CFAP299: variants seen among roughly 807,000 people sequenced by gnomAD.
CFAP299 encodes cilia- and flagella-associated protein 299.
A neutral mutation model predicts 27.0 loss-of-function variants in CFAP299; 21 were observed. The observed-to-expected ratio is 0.78, with a 90% confidence interval of 0.55 to 1.12. The LOEUF (loss-of-function observed/expected upper bound fraction) is 1.12. CFAP299 is among the 50% of genes most tolerant of loss of function. The pLI, the probability that CFAP299 is intolerant of heterozygous loss-of-function variation, is 0.00. For missense variants in CFAP299, 310 were observed against 276.6 expected (o/e 1.12, Z -0.86); for synonymous variants, 104 against 98.1 (o/e 1.06, Z -0.36).
At chr4:80,644,809 A>T (rs1739907227) in intron 3 of CFAP299, among the ~76,000 whole-genome samples, 1 of 152,186 alleles carries the variant, frequency 6.6e-6, no homozygotes, top group African/African-American at 2.4e-5. Context: ...TTACAAGGCA[A>T]TATTCCTTAG....
At chr4:80,477,775 T>A (rs1253255704) in intron 2 of CFAP299, among the ~76,000 whole-genome samples, 1 of 152,216 alleles carries the variant, frequency 6.6e-6, no homozygotes, top group African/African-American at 2.4e-5. Flanking sequence ...TTAGTTTAGA[T>A]TCTATGGTCC....
chr4:80,341,924 G>A (rs538583255), intron 1 of CFAP299, among the ~76,000 whole-genome samples: 10 of 152,318 alleles, frequency 6.6e-5, no homozygotes, highest in Middle Eastern at 3.4e-3. Flanking sequence ...CTAGAATCAT[G>A]ATAAAACAGT....
intron 5 of CFAP299, among the ~76,000 whole-genome samples, chr4:80,948,635 T>C (rs1028252920): frequency 6.6e-6 from 1 of 151,916 alleles, no homozygotes; most frequent in African/African-American, 2.4e-5. Context: ...GAACCACTAA[T>C]AAGGCAAGAA....
At chr4:80,724,823 CTT>C (rs1723052599) in intron 3 of CFAP299, among the ~76,000 whole-genome samples, 1 of 149,532 alleles carries the variant, frequency 6.7e-6, no homozygotes, top group Non-Finnish European at 1.5e-5. Flanking sequence ...CCTTTTTTTT[CTT>C]TCTTTTTCTT....
chr4:80,744,644 G>A (rs778689345), intron 3 of CFAP299, among the ~76,000 whole-genome samples: 18 of 151,502 alleles, frequency 1.2e-4, no homozygotes, highest in African/African-American at 3.4e-4. Flanking sequence ...TCTACCCAGC[G>A]TACAAATTAT....
At chr4:80,660,456 T>C (rs1740786385) in intron 3 of CFAP299, among the ~76,000 whole-genome samples, 1 of 152,226 alleles carries the variant, frequency 6.6e-6, no homozygotes, top group Admixed American at 6.5e-5. Context: ...GAAAGTATTT[T>C]GTTAGGCATA....
intron 3 of CFAP299, among the ~76,000 whole-genome samples, chr4:80,815,970 A>G (rs1237192768): frequency 6.6e-6 from 1 of 152,002 alleles, no homozygotes; most frequent in Non-Finnish European, 1.5e-5. Flanking sequence ...AAAACAAGAC[A>G]GGCTTTGCTA....
At chr4:80,931,720 G>GCA (rs148245575) in intron 4 of CFAP299, among the ~76,000 whole-genome samples, 1,505 of 147,918 alleles carry the variant, frequency 0.01, 11 homozygotes, top group African/African-American at 0.016. Flanking sequence ...TAACATGCAC[G>GCA]CACACACACA....
chr4:80,769,334 G>C (rs995358852), intron 3 of CFAP299, among the ~76,000 whole-genome samples: 9 of 151,756 alleles, frequency 5.9e-5, no homozygotes, highest in Non-Finnish European at 1.3e-4. Context: ...TGGCTCGTTG[G>C]GTATATTCAT....
chr4:80,508,019 T>C (rs1031108570), intron 2 of CFAP299, among the ~76,000 whole-genome samples: 4 of 152,124 alleles, frequency 2.6e-5, no homozygotes, highest in South Asian at 2.1e-4. Flanking sequence ...TAATCCATAA[T>C]TGAGACCTTA....
chr4:80,514,663 T>G (rs1732494836), intron 2 of CFAP299, among the ~76,000 whole-genome samples: 1 of 152,126 alleles, frequency 6.6e-6, no homozygotes, highest in Admixed American at 6.6e-5. Flanking sequence ...CATCTTTGTT[T>G]ACCTGGTGAT....
intron 3 of CFAP299, among the ~76,000 whole-genome samples, chr4:80,858,107 G>A (rs1732044634): frequency 6.6e-6 from 1 of 152,180 alleles, no homozygotes; most frequent in Non-Finnish European, 1.5e-5. Context: ...TCTATTCAGA[G>A]ATTCAACTTC....
chr4:80,921,351 G>A (rs1275714376), intron 4 of CFAP299, among the ~76,000 whole-genome samples: 1 of 152,034 alleles, frequency 6.6e-6, no homozygotes, highest in African/African-American at 2.4e-5. Flanking sequence ...GTACAGAGGA[G>A]AACATAGAAG....
chr4:80,728,992 CTTTCTTT>C (rs908360396), intron 3 of CFAP299, among the ~76,000 whole-genome samples: 5 of 152,132 alleles, frequency 3.3e-5, no homozygotes, highest in Admixed American at 3.3e-4. Context: ...AGATCCACTT[CTTTCTTT>C]TTTCTTTTTC....
intron 2 of CFAP299, among the ~76,000 whole-genome samples, chr4:80,411,181 G>A (rs1001413063): frequency 2.0e-5 from 3 of 152,068 alleles, no homozygotes; most frequent in African/African-American, 7.2e-5. Context: ...TTTCAAATAA[G>A]CCATGGAGTT....
At chr4:80,680,780 C>T (rs1719786132) in intron 3 of CFAP299, among the ~76,000 whole-genome samples, 4 of 152,112 alleles carry the variant, frequency 2.6e-5, no homozygotes, top group Admixed American at 2.6e-4. Context: ...GAAATCTCTC[C>T]CATAGTCCAC....
intron 2 of CFAP299, among the ~76,000 whole-genome samples, chr4:80,422,652 G>T (rs1262076574): frequency 6.6e-6 from 1 of 152,076 alleles, no homozygotes; most frequent in Non-Finnish European, 1.5e-5. Context: ...ATACTTAAAT[G>T]CTTAAATTGA....
intron 5 of CFAP299, among the ~76,000 whole-genome samples, chr4:80,951,096 T>C (rs546153742): frequency 3.3e-5 from 5 of 152,312 alleles, no homozygotes; most frequent in African/African-American, 1.2e-4. Context: ...GAAAATCAAT[T>C]ATATTAAAAA....
At chr4:80,778,212 G>C (rs1726662526) in intron 3 of CFAP299, among the ~76,000 whole-genome samples, 1 of 152,030 alleles carries the variant, frequency 6.6e-6, no homozygotes, top group Non-Finnish European at 1.5e-5. Context: ...GCTATAGACT[G>C]GTTCAAGACT....
Sources: allele counts gnomAD v4.1 joint callset (sites outside exome capture counted in the v4.1 genomes callset), GRCh38; gene constraint gnomAD v4.1.1; transcripts MANE v1.5; gene names NCBI Gene and HGNC (gene_info 2026-07-23, HGNC 2026-07-21).